The following ADAMTS14 variants were observed in gnomAD, a reference collection of about 807,000 sequenced individuals.
ADAMTS14 encodes the protein A disintegrin and metalloproteinase with thrombospondin motifs 14.
ADAMTS14 carries 100 observed loss-of-function variants against 128.6 expected under a neutral mutation model. The observed-to-expected ratio is 0.78, with a 90% CI of 0.66 to 0.92. ADAMTS14 has a LOEUF of 0.92. Among genes scored for constraint, ADAMTS14 ranks in the 40% least tolerant of loss-of-function variants. The pLI is 0.00. For synonymous variants in ADAMTS14, 665 were observed against 653.8 expected, an observed-to-expected ratio of 1.02 and a Z score of -0.26; for missense variants, 1,562 against 1,658.6, an observed-to-expected ratio of 0.94 and a Z score of 1.01.
At chr10:70,747,516 C>T (rs1261651349) in intron 15 of ADAMTS14, among the ~76,000 whole-genome samples, 2 of 152,200 alleles carry the variant, frequency 1.3e-5, no homozygotes, top group African/African-American at 4.8e-5. Flanking sequence ...GACATCTATT[C>T]CAAGAAGAGG....
intron 7 of ADAMTS14, among the ~76,000 whole-genome samples, chr10:70,733,627 C>CA (rs1209778044): frequency 2.0e-5 from 3 of 152,140 alleles, no homozygotes; most frequent in Non-Finnish European, 4.4e-5. Context: ...GGGTGGAGCT[C>CA]ACAGAAGGGG....
intron 16 of ADAMTS14, among the ~76,000 whole-genome samples, chr10:70,750,362 G>A (rs958371619): frequency 2.6e-5 from 4 of 152,152 alleles, no homozygotes; most frequent in African/African-American, 9.7e-5. Context: ...AGCTTCCTCG[G>A]GCCTTTAATG....
chr10:70,694,157 G>C (rs897229259), intron 2 of ADAMTS14, among the ~76,000 whole-genome samples: 3 of 152,356 alleles, frequency 2.0e-5, no homozygotes, highest in African/African-American at 7.2e-5. Context: ...GCGTCGGCAG[G>C]CTTTCATCCC....
intron 1 of ADAMTS14, among the ~76,000 whole-genome samples, chr10:70,673,428 G>A (rs888666928): frequency 6.0e-5 from 9 of 149,726 alleles, no homozygotes; most frequent in Non-Finnish European, 1.0e-4. Flanking sequence ...GTGGACACAG[G>A]TCTCTTGCAT....
intron 10 of ADAMTS14, 68 bp downstream of exon 10, chr10:70,736,861 T>C: frequency 6.9e-7 from 1 of 1,451,670 alleles, no homozygotes; most frequent in Non-Finnish European, 9.6e-7. Flanking sequence ...GGCATGGGGG[T>C]GGATCCCAGA....
intron 1 of ADAMTS14, 67 bp from the exon 2 acceptor site, chr10:70,674,489 G>A (rs776780308): frequency 4.6e-6 from 7 of 1,511,218 alleles, no homozygotes; most frequent in Non-Finnish European, 6.3e-6. Context: ...TGCCCGCGTG[G>A]GATTTCTGAC....
At chr10:70,677,650 G>C (rs1204427897) in intron 2 of ADAMTS14, among the ~76,000 whole-genome samples, 1 of 152,156 alleles carries the variant, frequency 6.6e-6, no homozygotes, top group Admixed American at 6.5e-5. Context: ...TACCCTGGCT[G>C]TTTCCAGAGG....
chr10:70,752,663 C>T (rs1415411563), intron 18 of ADAMTS14, among the ~76,000 whole-genome samples: 1 of 152,178 alleles, frequency 6.6e-6, no homozygotes, highest in African/African-American at 2.4e-5. Context: ...TTCCCTAGTA[C>T]ACCCCAAGCA....
At chr10:70,731,420 C>T (rs1841633953) in intron 6 of ADAMTS14, among the ~76,000 whole-genome samples, 1 of 152,200 alleles carries the variant, frequency 6.6e-6, no homozygotes, top group Non-Finnish European at 1.5e-5. Context: ...ATTTCAGCTC[C>T]TCTAACATGA....
At chr10:70,700,390 G>C (rs1275379816) in intron 2 of ADAMTS14, among the ~76,000 whole-genome samples, 2 of 152,132 alleles carry the variant, frequency 1.3e-5, no homozygotes, top group African/African-American at 4.8e-5. Flanking sequence ...TCTGCCTGCT[G>C]TGGAAACCTG....
chr10:70,760,979 C>CT lies in ADAMTS14; in HGVS notation c.*127dup, dbSNP rs1425507480. 2 of 1,327,412 alleles carry CT rather than the reference C, an allele frequency of 1.5e-6. No individual in the cohort carries two copies. The highest frequency in any genetic ancestry group is 3.0e-5 in the African/African-American group (2 of 67,628). The allele number at this position is 1,327,412 out of a possible 1,614,324, so 82.2% of individuals were successfully genotyped here. The stretch of plus-strand genomic sequence containing the variant: ...TTCATTTTAAATCATTCGCCTTCTT[C>CT]TCGTTTGGGGCTGTGATGCTCTTTA... On this transcript the variant is annotated 3_prime_UTR_variant, in exon 22 of 22. Coordinates refer to ENST00000373207, the MANE Select transcript of ADAMTS14 (RefSeq NM_080722.4).
At position 70,674,684 on chromosome 10, in the gene ADAMTS14, G is replaced by A. The variant is rs746771070; in HGVS notation, c.211G>A (p.Asp71Asn). The change falls in exon 2 of 22, where the codon GAC (aspartate) becomes AAC (asparagine). Residue 71 changes from aspartate (D) to asparagine (N), a missense_variant. Transcript: ENST00000373207. ...AGCCTCTGCAGGGAGCATGGTAGTG[G>A]ACACGCCACCCACACTACCACGACA... ...AAASAGSMVVDTPPTLPRHSS... is the reference protein window; with the variant it reads ...AAASAGSMVVNTPPTLPRHSS... 8.1e-6 allele frequency: 13 copies of A among 1,613,482 alleles called. No homozygotes were observed. In the South Asian group the frequency reaches 1.2e-4, roughly 15 times the overall value.
rs559359643 is a variant in ADAMTS14, at chr10:70,760,766, T to C, written c.3585T>C (p.Pro1195=). The C allele has an allele frequency of 1.9e-6, 3 of 1,613,236 alleles. No homozygotes were observed. Among genetic ancestry groups the C allele is most frequent in the East Asian group, 4.5e-5 (2 of 44,866 alleles). The change falls in exon 22 of 22, where the codon CCT becomes CCC. Residue 1195 remains proline, a synonymous_variant. Transcript: ENST00000373207. ...TGCCTTGGGGCTGGACTCAGACACC[T>C]ACGCCAGTCCCTGAGGACAAAGGGC... ...GGLPWGWTQT[P]TPVPEDKGQP...
At chr10:70,713,591 A>G (rs150848592) in intron 4 of ADAMTS14, among the ~76,000 whole-genome samples, 12 of 152,360 alleles carry the variant, frequency 7.9e-5, no homozygotes, top group African/African-American at 2.9e-4. Flanking sequence ...GGAACAACCC[A>G]GGTCCTCACA....
At position 70,729,350 on chromosome 10, in the gene ADAMTS14, C is replaced by A. The variant is rs956385257; in HGVS notation, c.927C>A (p.Val309=). 6 of 1,613,826 alleles carry A rather than the reference C, an allele frequency of 3.7e-6. No homozygotes were observed. The African/African-American group carries it at 8.0e-5, about 22-fold the overall frequency. The change falls in exon 5 of 22, where the codon GTC becomes GTA. Residue 309 remains valine (V), a synonymous_variant. Coordinates refer to ENST00000373207, the MANE Select transcript of ADAMTS14 (RefSeq NM_080722.4). ...SLGVHINIAL[V]RLIMVGYRQS... ...GGGTTCATATAAATATTGCCCTCGT[C>A]CGCTTGATCATGGTTGGCTACCGAC...
chr10:70,700,480 AGAG>A (rs1157667254), intron 2 of ADAMTS14, among the ~76,000 whole-genome samples: 1 of 152,106 alleles, frequency 6.6e-6, no homozygotes, highest in African/African-American at 2.4e-5. Flanking sequence ...CTGGTGGCAG[AGAG>A]GAGATGTGTC....
At chr10:70,734,463 C>A (rs1242169083) in intron 8 of ADAMTS14, among the ~76,000 whole-genome samples, 1 of 151,892 alleles carries the variant, frequency 6.6e-6, no homozygotes, top group African/African-American at 2.4e-5. Flanking sequence ...CAGAGCTGCC[C>A]GGGATCGACT....
chr10:70,708,419 G>T (rs1840730286), intron 3 of ADAMTS14, among the ~76,000 whole-genome samples, 169 bp from the exon 4 acceptor site: 1 of 152,174 alleles, frequency 6.6e-6, no homozygotes, highest in South Asian at 2.1e-4. Flanking sequence ...GCAGGAAAAT[G>T]GCTCTTGCCC....
intron 2 of ADAMTS14, among the ~76,000 whole-genome samples, chr10:70,682,273 G>T (rs551580030): frequency 3.9e-5 from 6 of 152,204 alleles, no homozygotes; most frequent in Non-Finnish European, 7.3e-5. Context: ...GAGAGGACTT[G>T]CCCACTCCAG....
Sources: gnomAD v4.1 joint callset for allele counts (sites outside exome capture counted in the v4.1 genomes callset) on GRCh38, gnomAD v4.1.1 for gene constraint, MANE v1.5 for transcripts, NCBI Gene and HGNC (gene_info 2026-07-23, HGNC 2026-07-21) for gene names.